RBFOX1: variants seen among roughly 807,000 people sequenced by gnomAD.
RBFOX1 encodes the protein RNA binding protein fox-1 homolog 1.
Under a neutral mutation model 57.7 loss-of-function variants are expected in RBFOX1, and 8 were observed. That is an observed-to-expected ratio of 0.14 (90% CI 0.08 to 0.25). RBFOX1 has a LOEUF of 0.25. RBFOX1 is among the 10% of genes least tolerant of loss of function. The pLI is 1.00. For synonymous variants in RBFOX1, 326 were observed against 222.4 expected (o/e 1.47, Z -4.15); for missense variants, 611 against 548.5 (o/e 1.11, Z -1.14).
chr16:6,919,193 G>A (rs2073919436), intron 3 of RBFOX1, among the ~76,000 whole-genome samples: 2 of 152,056 alleles, frequency 1.3e-5, no homozygotes, highest in Non-Finnish European at 2.9e-5. Flanking sequence ...ATGTTGGCCA[G>A]GCTGGTCTTG....
chr16:6,695,611 C>G (rs1412157513), intron 3 of RBFOX1, among the ~76,000 whole-genome samples: 1 of 152,040 alleles, frequency 6.6e-6, no homozygotes, highest in Non-Finnish European at 1.5e-5. Flanking sequence ...TATATTTTCA[C>G]TTGGAATCTT....
intron 4 of RBFOX1, among the ~76,000 whole-genome samples, chr16:7,174,023 C>T (rs1315129181): frequency 2.0e-5 from 3 of 152,190 alleles, no homozygotes; most frequent in Admixed American, 1.3e-4. Context: ...GGAGTATATT[C>T]ATTAAACAAA....
intron 1 of RBFOX1, among the ~76,000 whole-genome samples, chr16:6,043,218 G>A (rs1174106156): frequency 6.8e-6 from 1 of 147,254 alleles, no homozygotes; most frequent in Non-Finnish European, 1.5e-5. Context: ...CTTTCAGATA[G>A]CAGGCTTCAG....
At chr16:6,100,209 C>G (rs2096287703) in intron 1 of RBFOX1, among the ~76,000 whole-genome samples, 1 of 152,030 alleles carries the variant, frequency 6.6e-6, no homozygotes, top group African/African-American at 2.4e-5. Context: ...GTCACCCAGG[C>G]TGGAGTGCAG....
chr16:5,897,497 G>A (rs1453900649), intron 4 of RBFOX1, among the ~76,000 whole-genome samples: 2 of 152,124 alleles, frequency 1.3e-5, no homozygotes, highest in East Asian at 3.9e-4. Flanking sequence ...TGTTATTCTC[G>A]AAAATTGGCT....
At chr16:6,184,959 GAGA>G (rs1305247649) in intron 1 of RBFOX1, among the ~76,000 whole-genome samples, 1 of 152,304 alleles carries the variant, frequency 6.6e-6, no homozygotes, top group East Asian at 1.9e-4. Context: ...GAAAGAGAGA[GAGA>G]AGAAGGAAGA....
intron 4 of RBFOX1, among the ~76,000 whole-genome samples, chr16:7,083,823 C>T (rs1418351014): frequency 1.3e-5 from 2 of 152,116 alleles, no homozygotes; most frequent in African/African-American, 4.8e-5. Context: ...TTCAGGTACA[C>T]ATAGTGCATC....
At chr16:6,981,835 C>G (rs1041070511) in intron 3 of RBFOX1, among the ~76,000 whole-genome samples, 1 of 151,772 alleles carries the variant, frequency 6.6e-6, no homozygotes, top group Non-Finnish European at 1.5e-5. Context: ...GGGACACAGC[C>G]AAGCCATATC....
chr16:6,901,126 G>A (rs778074996), intron 3 of RBFOX1, among the ~76,000 whole-genome samples: 75 of 152,144 alleles, frequency 4.9e-4, no homozygotes, highest in Non-Finnish European at 7.9e-4. Flanking sequence ...GACAGGCTTT[G>A]TGTTTCCTGT....
At chr16:6,812,383 T>C (rs542296648) in intron 3 of RBFOX1, among the ~76,000 whole-genome samples, 1 of 143,508 alleles carries the variant, frequency 7.0e-6, no homozygotes, top group African/African-American at 2.5e-5. Flanking sequence ...TTATTTTTTA[T>C]TTTTTTTGAG....
intron 4 of RBFOX1, among the ~76,000 whole-genome samples, chr16:5,881,167 T>G (rs556446889): frequency 1.6e-4 from 24 of 152,334 alleles, no homozygotes; most frequent in Non-Finnish European, 3.1e-4. Context: ...GAATCTTGGA[T>G]CCCCAGTGAA....
At chr16:6,624,698 C>G (rs17721074) in intron 2 of RBFOX1, among the ~76,000 whole-genome samples, 35,300 of 151,952 alleles carry the variant, frequency 0.23, 4,215 homozygotes, top group Admixed American at 0.29. Flanking sequence ...AACTCCTAGA[C>G]GTCGTTGTAA....
chr16:7,431,482 C>G (rs909440333), intron 4 of RBFOX1, among the ~76,000 whole-genome samples: 3 of 152,104 alleles, frequency 2.0e-5, no homozygotes, highest in Non-Finnish European at 4.4e-5. Flanking sequence ...CTCAAGTGAT[C>G]CTTCCACTTT....
At chr16:6,076,115 A>G (rs1306643811) in intron 1 of RBFOX1, among the ~76,000 whole-genome samples, 1 of 152,126 alleles carries the variant, frequency 6.6e-6, no homozygotes, top group Non-Finnish European at 1.5e-5. Flanking sequence ...CCTGACCAAC[A>G]TGGAGAAATC....
intron 3 of RBFOX1, among the ~76,000 whole-genome samples, chr16:7,030,941 C>G (rs1219625136): frequency 1.3e-5 from 2 of 152,164 alleles, no homozygotes; most frequent in African/African-American, 2.4e-5. Flanking sequence ...GGGTATTTAT[C>G]TTGGAAATAA....
intron 3 of RBFOX1, among the ~76,000 whole-genome samples, chr16:6,770,814 T>C (rs893602030): frequency 6.6e-6 from 1 of 152,112 alleles, no homozygotes; most frequent in Non-Finnish European, 1.5e-5. Context: ...AGGGAGGAAA[T>C]GAGCAATGGA....
chr16:6,877,910 C>A (rs1256367300), intron 3 of RBFOX1, among the ~76,000 whole-genome samples: 1 of 152,006 alleles, frequency 6.6e-6, no homozygotes, highest in Non-Finnish European at 1.5e-5. Context: ...TAGGATCTTG[C>A]GAATGGTAGT....
intron 1 of RBFOX1, among the ~76,000 whole-genome samples, chr16:6,225,068 G>T (rs981854160): frequency 6.6e-6 from 1 of 150,644 alleles, no homozygotes; most frequent in Non-Finnish European, 1.5e-5. Flanking sequence ...GGAATTTGGG[G>T]CTGTCCCCAG....
intron 2 of RBFOX1, among the ~76,000 whole-genome samples, chr16:6,601,247 C>T (rs866862378): frequency 6.6e-6 from 1 of 152,066 alleles, no homozygotes; most frequent in East Asian, 1.9e-4. Context: ...ATTGAACCAG[C>T]ATATAATTCC....
Sources: gnomAD v4.1 joint callset for allele counts (sites outside exome capture counted in the v4.1 genomes callset) on GRCh38, gnomAD v4.1.1 for gene constraint, MANE v1.5 for transcripts, NCBI Gene and HGNC (gene_info 2026-07-23, HGNC 2026-07-21) for gene names.